The following LRRC4C variants were observed in gnomAD, a reference collection of about 807,000 sequenced individuals.
LRRC4C encodes leucine-rich repeat-containing protein 4C.
LRRC4C carries 5 observed loss-of-function variants against 33.6 expected under a neutral mutation model. That is an observed-to-expected ratio of 0.15 (90% CI 0.08 to 0.31). LRRC4C has a LOEUF of 0.31. Among genes scored for constraint, LRRC4C ranks in the 10% least tolerant of loss-of-function variants. The probability of loss-of-function intolerance (pLI) is 1.00; values close to 1 mark genes in which losing one functional copy is unlikely to be tolerated. For missense variants in LRRC4C, 560 were observed against 796.7 expected, an observed-to-expected ratio of 0.70 and a Z score of 3.58; for synonymous variants, 329 against 302.0, an observed-to-expected ratio of 1.09 and a Z score of -0.93.
intron 1 of LRRC4C, among the ~76,000 whole-genome samples, chr11:41,436,917 T>C (rs1955447982): frequency 6.6e-6 from 1 of 152,192 alleles, no homozygotes. Flanking sequence ...TTTCCTACAA[T>C]GGGTTTTGAT....
intron 1 of LRRC4C, among the ~76,000 whole-genome samples, chr11:40,963,913 G>T (rs1275584491): frequency 6.6e-6 from 1 of 151,646 alleles, no homozygotes; most frequent in Non-Finnish European, 1.5e-5. Context: ...ATGCAGAAAT[G>T]CCAATATTTG....
chr11:40,797,792 A>G (rs1051181318), intron 2 of LRRC4C, among the ~76,000 whole-genome samples: 2 of 152,134 alleles, frequency 1.3e-5, no homozygotes, highest in African/African-American at 4.8e-5. Flanking sequence ...ACAAAGATAA[A>G]TGTGTTTAAA....
intron 5 of LRRC4C, among the ~76,000 whole-genome samples, chr11:40,150,016 C>T (rs1858059628): frequency 6.6e-6 from 1 of 152,136 alleles, no homozygotes; most frequent in African/African-American, 2.4e-5. Context: ...GCTGCCAGGG[C>T]TGTACTCCTT....
At chr11:40,884,116 C>T (rs1302319635) in intron 2 of LRRC4C, among the ~76,000 whole-genome samples, 1 of 151,984 alleles carries the variant, frequency 6.6e-6, no homozygotes, top group Non-Finnish European at 1.5e-5. Flanking sequence ...TTCCTGTGTC[C>T]ATGTGTTCTT....
At chr11:40,632,403 G>A (rs1963548214) in intron 3 of LRRC4C, among the ~76,000 whole-genome samples, 1 of 152,174 alleles carries the variant, frequency 6.6e-6, no homozygotes, top group Non-Finnish European at 1.5e-5. Context: ...GGTCAAGAAG[G>A]AAGTAGATTG....
In LRRC4C at chr11:40,308,653, T is replaced by C. The variant is rs74863591; in HGVS notation, c.-176+10975A>G. On this transcript the variant is annotated intron_variant, in intron 4 of 6. Transcript: ENST00000528697. Reference sequence around the variant, plus strand: ...TCAAGCCAACCACAAACTTTTTTTTTCCATGGACTATAAGAAGGGAGAAAC... The same window carrying C: ...TCAAGCCAACCACAAACTTTTTTTTCCCATGGACTATAAGAAGGGAGAAAC... 8.2e-3 allele frequency among the ~76,000 whole-genome samples: 1,255 copies of C among 152,248 alleles called. 18 individuals carry two copies. The highest frequency in any genetic ancestry group is 0.029 in the East Asian group (151 of 5,160).
chr11:40,166,197 G>T (rs1236765842), intron 5 of LRRC4C, among the ~76,000 whole-genome samples: 2 of 152,212 alleles, frequency 1.3e-5, no homozygotes, highest in East Asian at 3.9e-4. Flanking sequence ...ATGAGAACTA[G>T]CCTAAAACTA....
In LRRC4C at chr11:40,729,701, C is replaced by T. The variant is rs570280630; in HGVS notation, c.-406-81423G>A. 2.0e-5 allele frequency among the ~76,000 whole-genome samples: 3 copies of T among 152,306 alleles called. No individual in the cohort carries two copies. In the South Asian group the frequency reaches 6.2e-4, roughly 32 times the overall value. On this transcript the variant is annotated intron_variant, in intron 2 of 6. Transcript: ENST00000528697. ...TTTCACTTATGGACTTTAAAAATCTCACCACCTCTGAGAATCCCTTCTAAC... is the reference window on the plus strand; with the variant it reads ...TTTCACTTATGGACTTTAAAAATCTTACCACCTCTGAGAATCCCTTCTAAC...
At chr11:41,264,961 G>A (rs1236757880) in intron 1 of LRRC4C, among the ~76,000 whole-genome samples, 4 of 152,120 alleles carry the variant, frequency 2.6e-5, no homozygotes, top group Non-Finnish European at 5.9e-5. Flanking sequence ...GTCTTTTGCT[G>A]TGTTTTCTGT....
intron 2 of LRRC4C, among the ~76,000 whole-genome samples, chr11:40,754,420 TCAGG>T (rs1948840880): frequency 6.6e-6 from 1 of 152,138 alleles, no homozygotes; most frequent in Admixed American, 6.6e-5. Context: ...TAATTGCTCC[TCAGG>T]AGTGACCTCT....
At position 41,148,193 on chromosome 11, in the gene LRRC4C, T is replaced by G. The variant is rs548434478; in HGVS notation, c.-495-214470A>C. Among the ~76,000 whole-genome samples, 75 of 152,104 alleles carry G rather than the reference T, an allele frequency of 4.9e-4. 1 individual carries two copies. The Middle Eastern group carries it at 0.017, about 34-fold the overall frequency. On this transcript the variant is annotated intron_variant, in intron 1 of 6. Transcript: ENST00000528697. The stretch of plus-strand genomic sequence containing the variant: ...ACCATGCCTGGCTAACTTTTTGTAT[T>G]TTTAGTAGAGACGGGGTTTCATCAT...
chr11:41,432,803 A>T lies in LRRC4C; in HGVS notation c.-496+26628T>A, dbSNP rs79441572. Among the ~76,000 whole-genome samples the T allele has an allele frequency of 8.4e-3, 1,282 of 152,114 alleles. 23 individuals carry two copies. Among genetic ancestry groups the T allele is most frequent in the African/African-American group, 0.029 (1,216 of 41,502 alleles). On this transcript the variant is annotated intron_variant, in intron 1 of 6. Coordinates refer to ENST00000528697, the MANE Select transcript of LRRC4C (RefSeq NM_001258419.2). Reference sequence around the variant, plus strand: ...TGAGACCAAAATCAGGGCTGGCATCATTTTTCCCCCCTGTGGTGGAGAAGT... The same window carrying T: ...TGAGACCAAAATCAGGGCTGGCATCTTTTTTCCCCCCTGTGGTGGAGAAGT...
At chr11:40,573,306 A>T (rs1243689129) in intron 3 of LRRC4C, among the ~76,000 whole-genome samples, 1 of 152,182 alleles carries the variant, frequency 6.6e-6, no homozygotes, top group Non-Finnish European at 1.5e-5. Flanking sequence ...TATTATGACA[A>T]TATTTTAAAA....
At chr11:40,163,707 AAG>A (rs1859353741) in intron 5 of LRRC4C, among the ~76,000 whole-genome samples, 1 of 152,126 alleles carries the variant, frequency 6.6e-6, no homozygotes, top group African/African-American at 2.4e-5. Flanking sequence ...TACCACACGA[AAG>A]AGAATTCCCA....
chr11:41,057,938 T>C (rs1422339643), intron 1 of LRRC4C, among the ~76,000 whole-genome samples: 2 of 152,184 alleles, frequency 1.3e-5, no homozygotes, highest in African/African-American at 4.8e-5. Context: ...AGAAAGGAGC[T>C]GCCCCTGTGG....
intron 1 of LRRC4C, among the ~76,000 whole-genome samples, chr11:41,002,827 GAA>G (rs970221135): frequency 1.4e-4 from 22 of 152,052 alleles, no homozygotes; most frequent in Non-Finnish European, 2.9e-5. Flanking sequence ...TGTGTTAAGT[GAA>G]AAAAGCAGAA....
At chr11:40,669,587 G>A (rs552759628) in intron 2 of LRRC4C, among the ~76,000 whole-genome samples, 35 of 152,276 alleles carry the variant, frequency 2.3e-4, no homozygotes, top group Non-Finnish European at 5.0e-4. Flanking sequence ...TAGGAAAAAG[G>A]CTGATCTTTA....
chr11:40,266,912 T>C (rs1340582050), intron 4 of LRRC4C, among the ~76,000 whole-genome samples: 2 of 152,080 alleles, frequency 1.3e-5, no homozygotes, highest in African/African-American at 2.4e-5. Context: ...TGGATTTCGG[T>C]GTATGTTTGT....
chr11:40,555,991 T>C (rs1373749365), intron 3 of LRRC4C, among the ~76,000 whole-genome samples: 4 of 152,232 alleles, frequency 2.6e-5, no homozygotes, highest in East Asian at 1.9e-4. Flanking sequence ...AATTCTCATT[T>C]TGACCCAATA....
Sources: allele counts gnomAD v4.1 joint callset (sites outside exome capture counted in the v4.1 genomes callset), GRCh38; gene constraint gnomAD v4.1.1; transcripts MANE v1.5; gene names NCBI Gene and HGNC (gene_info 2026-07-23, HGNC 2026-07-21).